Variants in PRKCH observed in about 807,000 individuals in gnomAD.
PRKCH encodes the protein protein kinase C eta type.
Under a neutral mutation model 82.5 loss-of-function variants are expected in PRKCH, and 28 were observed. That is an observed-to-expected ratio of 0.34 (90% CI 0.25 to 0.47). The LOEUF is 0.47. Among genes scored for constraint, PRKCH ranks in the 20% least tolerant of loss-of-function variants. The pLI is 1.00. For missense variants in PRKCH, 705 were observed against 881.8 expected, an observed-to-expected ratio of 0.80 and a Z score of 2.54; for synonymous variants, 322 against 327.4, an observed-to-expected ratio of 0.98 and a Z score of 0.18.
intron 1 of PRKCH, among the ~76,000 whole-genome samples, chr14:61,248,387 G>T (rs2044906547): frequency 1.3e-5 from 2 of 152,152 alleles, no homozygotes; most frequent in African/African-American, 4.8e-5. Flanking sequence ...GTCAGAAAAA[G>T]GATGTTAATG....
chr14:61,196,016 A>C (rs1226160909), intron 1 of PRKCH, among the ~76,000 whole-genome samples: 3 of 152,218 alleles, frequency 2.0e-5, no homozygotes, highest in Admixed American at 2.0e-4. Flanking sequence ...TTTGTGCTGA[A>C]GTAGAAGAGG....
intron 1 of PRKCH, among the ~76,000 whole-genome samples, chr14:61,342,024 G>A (rs1244430076): frequency 6.6e-6 from 1 of 152,038 alleles, no homozygotes; most frequent in Non-Finnish European, 1.5e-5. Context: ...CCTGAAGGTG[G>A]TGAAGATAGT....
intron 2 of PRKCH, among the ~76,000 whole-genome samples, chr14:61,434,412 A>AT (rs1389171218): frequency 6.6e-6 from 1 of 152,198 alleles, no homozygotes; most frequent in African/African-American, 2.4e-5. Flanking sequence ...ATTTTCATGT[A>AT]TTAAAAAATG....
chr14:61,475,805 A>G (rs924862153), intron 9 of PRKCH, among the ~76,000 whole-genome samples: 2 of 152,242 alleles, frequency 1.3e-5, no homozygotes, highest in Non-Finnish European at 2.9e-5. Context: ...ACACAAAGGA[A>G]AAATTAAATC....
intron 10 of PRKCH, among the ~76,000 whole-genome samples, chr14:61,520,956 G>T (rs2097851696): frequency 6.6e-6 from 1 of 152,140 alleles, no homozygotes; most frequent in South Asian, 2.1e-4. Context: ...GTTTGAAGTT[G>T]CAAAAAATTT....
chr14:61,389,349 TAA>T lies in PRKCH; in HGVS notation c.364-1863_364-1862del, dbSNP rs111701252. ...TGGGTGACAGAGGGAGACTCTGTCT[TAA>T]AAAAAAAAAAAATCTTTGAGATCAT... On this transcript the variant is annotated intron_variant, in intron 1 of 13. Coordinates refer to ENST00000332981, the MANE Select transcript of PRKCH (RefSeq NM_006255.5). 6.0e-4 allele frequency among the ~76,000 whole-genome samples: 87 copies of T among 144,584 alleles called. 1 individual carries two copies. The highest frequency in any genetic ancestry group is 1.7e-3 in the African/African-American group (67 of 39,444). The allele number at this position is 144,584 out of a possible 152,430, so 94.9% of individuals were successfully genotyped here. A position where few individuals can be genotyped will look rare whatever the true frequency, so the allele number is the denominator to read the frequency against.
chr14:61,259,475 G>C (rs772705653), intron 1 of PRKCH, among the ~76,000 whole-genome samples: 1 of 152,152 alleles, frequency 6.6e-6, no homozygotes, highest in Non-Finnish European at 1.5e-5. Flanking sequence ...TCTCAAACCC[G>C]GCTGCACGTA....
At chr14:61,469,092 G>C (rs902153165) in intron 9 of PRKCH, among the ~76,000 whole-genome samples, 1 of 152,274 alleles carries the variant, frequency 6.6e-6, no homozygotes, top group South Asian at 2.1e-4. Context: ...AAAAGAAACA[G>C]TTCTTTTATT....
At chr14:61,439,260 A>G (rs958493741) in intron 2 of PRKCH, among the ~76,000 whole-genome samples, 2 of 152,146 alleles carry the variant, frequency 1.3e-5, no homozygotes, top group Admixed American at 1.3e-4. Flanking sequence ...CTGCATTCCG[A>G]TGGTGAAGTG....
chr14:61,547,395 C>A (rs2043271524), intron 12 of PRKCH, among the ~76,000 whole-genome samples: 1 of 152,104 alleles, frequency 6.6e-6, no homozygotes, highest in South Asian at 2.1e-4. Context: ...GTCTGCTGCC[C>A]ACAACTGCAG....
Position 61,280,266 on chromosome 14 carries a change from G to A in PRKCH, c.-19+92598G>A, listed in dbSNP as rs751810000. The A allele has an allele frequency of 2.5e-6, 4 of 1,614,024 alleles. No homozygotes were observed. Among genetic ancestry groups the A allele is most frequent in the East Asian group, 4.5e-5 (2 of 44,858 alleles). On this transcript the variant is annotated intron_variant, in intron 1 of 3. Transcript: ENST00000555185. This position sits in a 1 kb window ranked among gnomAD's most constrained non-coding sequence, Gnocchi z 5.0. ...TGAGGAGCTTGTGGCCGCCGAACGC[G>A]CGCACCGGGTAGTTGTAGGTGATGT...
intron 1 of PRKCH, among the ~76,000 whole-genome samples, chr14:61,310,176 C>T (rs1193733248): frequency 1.3e-5 from 2 of 152,200 alleles, no homozygotes; most frequent in African/African-American, 4.8e-5. Context: ...TTTCACATTT[C>T]AAAACCAATC....
At chr14:61,453,126 T>C in intron 6 of PRKCH, 100 bp from the exon 7 acceptor site, 3 of 1,432,250 alleles carry the variant, frequency 2.1e-6, no homozygotes, top group South Asian at 2.3e-5. Context: ...CCGGTATAAT[T>C]CCTCTGTTAT....
intron 1 of PRKCH, among the ~76,000 whole-genome samples, chr14:61,311,877 T>C (rs1431384652): frequency 6.6e-6 from 1 of 152,198 alleles, no homozygotes; most frequent in East Asian, 1.9e-4. Context: ...AAGTTCATCC[T>C]ACATGGCAGC....
intron 10 of PRKCH, among the ~76,000 whole-genome samples, chr14:61,495,113 A>C (rs1886610596): frequency 6.6e-6 from 1 of 152,220 alleles, no homozygotes; most frequent in Admixed American, 6.5e-5. Context: ...TTAATTTGAG[A>C]GGAGATTCAA....
chr14:61,499,602 G>A (rs1030297909), intron 10 of PRKCH, among the ~76,000 whole-genome samples: 2 of 152,040 alleles, frequency 1.3e-5, no homozygotes, highest in African/African-American at 4.8e-5. Flanking sequence ...CCTGTTCTTG[G>A]CATTTGCGTC....
intron 9 of PRKCH, among the ~76,000 whole-genome samples, chr14:61,459,698 G>A (rs979562849): frequency 6.6e-6 from 1 of 152,204 alleles, no homozygotes; most frequent in Admixed American, 6.5e-5. Flanking sequence ...TTCTCCGAAA[G>A]AAACAAGTAT....
At chr14:61,299,480 T>G (rs2045433241) in intron 1 of PRKCH, among the ~76,000 whole-genome samples, 1 of 150,824 alleles carries the variant, frequency 6.6e-6, no homozygotes, top group African/African-American at 2.4e-5. Context: ...ACTTTCAGGT[T>G]TTTTCTACTG....
At chr14:61,546,386 A>C (rs796890866) in intron 12 of PRKCH, among the ~76,000 whole-genome samples, 38 of 152,298 alleles carry the variant, frequency 2.5e-4, no homozygotes, top group African/African-American at 9.1e-4. Flanking sequence ...AATTCCTGTT[A>C]CTAGGAGAGA....
Sources: gnomAD v4.1 joint callset for allele counts (sites outside exome capture counted in the v4.1 genomes callset) on GRCh38, gnomAD v4.1.1 for gene constraint, Gnocchi (gnomAD v3.1) non-coding constraint, MANE v1.5 for transcripts, NCBI Gene and HGNC (gene_info 2026-07-23, HGNC 2026-07-21) for gene names.